Variants in ADAMTS3 observed in about 807,000 individuals in gnomAD.
The protein encoded by ADAMTS3 is ADAM metallopeptidase with thrombospondin type 1 motif 3, also known as A disintegrin and metalloproteinase with thrombospondin motifs 3.
Under a neutral mutation model 129.0 loss-of-function variants are expected in ADAMTS3, and 73 were observed. That is an observed-to-expected ratio of 0.57 (90% CI 0.47 to 0.69). The LOEUF is 0.69. ADAMTS3 is among the 30% of genes least tolerant of loss of function. ADAMTS3 has a pLI of 0.00. For missense variants in ADAMTS3, 1,457 were observed against 1,514.5 expected (o/e 0.96, Z 0.63); for synonymous variants, 477 against 510.8 (o/e 0.93, Z 0.89).
At chr4:72,506,456 C>T (rs1187169267) in intron 3 of ADAMTS3, among the ~76,000 whole-genome samples, 1 of 152,138 alleles carries the variant, frequency 6.6e-6, no homozygotes, top group Non-Finnish European at 1.5e-5. Context: ...TGTGGTGACC[C>T]CTACCCTGCT....
At chr4:72,463,367 C>A (rs1368056059) in intron 3 of ADAMTS3, among the ~76,000 whole-genome samples, 1 of 152,080 alleles carries the variant, frequency 6.6e-6, no homozygotes, top group East Asian at 2.0e-4. Context: ...AATGACCAAC[C>A]TCTCAAAAAG....
intron 2 of ADAMTS3, among the ~76,000 whole-genome samples, chr4:72,552,487 T>A (rs143537916): frequency 6.6e-6 from 1 of 152,330 alleles, no homozygotes; most frequent in Admixed American, 6.5e-5. Context: ...AAGGCTTTTG[T>A]GGGCCGTAAG....
intron 4 of ADAMTS3, among the ~76,000 whole-genome samples, chr4:72,379,289 G>T (rs568890125): frequency 2.0e-5 from 3 of 152,154 alleles, no homozygotes; most frequent in Non-Finnish European, 4.4e-5. Flanking sequence ...GAACTCCAGT[G>T]ATTGGGTTAA....
At chr4:72,304,264 CAAG>C (rs1482492109) in intron 16 of ADAMTS3, among the ~76,000 whole-genome samples, 184 bp from the exon 17 acceptor site, 1 of 152,132 alleles carries the variant, frequency 6.6e-6, no homozygotes, top group Non-Finnish European at 1.5e-5. Context: ...TCAAAACTCT[CAAG>C]AAGCATTCCT....
Position 72,287,495 on chromosome 4 carries a change from A to G in ADAMTS3, c.3049+1256T>C, listed in dbSNP as rs573117330. Among the ~76,000 whole-genome samples the G allele has an allele frequency of 2.6e-5, 4 of 151,302 alleles. No homozygotes were observed. In the South Asian group the frequency reaches 8.6e-4, roughly 32 times the overall value. ...AGAGAAAGGGAGACAGACACATGGAACAAGGAAAGAGGGGAAAGAGAGAGC... is the reference window on the plus strand; with the variant it reads ...AGAGAAAGGGAGACAGACACATGGAGCAAGGAAAGAGGGGAAAGAGAGAGC... On this transcript the variant is annotated intron_variant, in intron 21 of 21. Coordinates refer to ENST00000286657, the MANE Select transcript of ADAMTS3 (RefSeq NM_014243.3).
intron 4 of ADAMTS3, among the ~76,000 whole-genome samples, chr4:72,414,330 C>T (rs561840984): frequency 1.0e-3 from 159 of 151,884 alleles, no homozygotes; most frequent in Non-Finnish European, 1.8e-3. Flanking sequence ...GAATTTCATT[C>T]ATTGTCTCCT....
At chr4:72,467,107 C>T (rs1434127615) in intron 3 of ADAMTS3, among the ~76,000 whole-genome samples, 1 of 152,040 alleles carries the variant, frequency 6.6e-6, no homozygotes, top group African/African-American at 2.4e-5. Context: ...AAGCTTTCCC[C>T]TCTCCTCCAT....
intron 3 of ADAMTS3, among the ~76,000 whole-genome samples, chr4:72,483,986 C>G (rs1014928749): frequency 3.9e-5 from 6 of 152,020 alleles, no homozygotes; most frequent in African/African-American, 1.4e-4. Flanking sequence ...CCATTGCACT[C>G]CAGCCCGGGT....
At chr4:72,523,967 C>A (rs1578760507) in intron 3 of ADAMTS3, among the ~76,000 whole-genome samples, 1 of 151,746 alleles carries the variant, frequency 6.6e-6, no homozygotes, top group African/African-American at 2.4e-5. Context: ...TTATTCTTTT[C>A]TATTGTTAGG....
intron 3 of ADAMTS3, among the ~76,000 whole-genome samples, chr4:72,515,391 G>C (rs1720439917): frequency 1.3e-5 from 2 of 151,992 alleles, no homozygotes; most frequent in South Asian, 4.2e-4. Context: ...TCTAGTTCTA[G>C]ATCCTTGAGG....
chr4:72,373,297 T>C (rs1299891027), intron 4 of ADAMTS3, among the ~76,000 whole-genome samples: 2 of 152,062 alleles, frequency 1.3e-5, no homozygotes, highest in Non-Finnish European at 2.9e-5. Flanking sequence ...CCCACACACA[T>C]ATGGTCGCCT....
intron 3 of ADAMTS3, among the ~76,000 whole-genome samples, chr4:72,437,352 C>T (rs142876487): frequency 5.5e-4 from 84 of 151,768 alleles, no homozygotes; most frequent in Non-Finnish European, 1.2e-3. Flanking sequence ...CCACGTACAT[C>T]GAAAATTTAT....
chr4:72,455,856 A>G (rs796222081), intron 3 of ADAMTS3, among the ~76,000 whole-genome samples: 2 of 108,362 alleles, frequency 1.8e-5, no homozygotes, highest in South Asian at 2.5e-4. Flanking sequence ...TATATTTTAT[A>G]TATAGTATAT....
Position 72,336,581 on chromosome 4 carries a change from TGGA to T in ADAMTS3, c.861+2910_861+2912del, listed in dbSNP as rs547247421. Among the ~76,000 whole-genome samples, 444 of 152,244 alleles carry T rather than the reference TGGA, an allele frequency of 2.9e-3. 1 individual carries two copies. The highest frequency in any genetic ancestry group is 0.01 in the African/African-American group (426 of 41,526). On this transcript the variant is annotated intron_variant, in intron 5 of 21. Coordinates refer to ENST00000286657, the MANE Select transcript of ADAMTS3 (RefSeq NM_014243.3). ...ACAGGCTACAACAGGGCAGAGGGTA[TGGA>T]GGAGAAGGAAGACTTAAGTCTTCTG...
chr4:72,313,757 C>A lies in ADAMTS3; in HGVS notation c.1665G>T (p.Gly555=), dbSNP rs768450732. 4.3e-6 allele frequency: 7 copies of A among 1,613,844 alleles called. No individual in the cohort carries two copies. Among genetic ancestry groups the A allele is most frequent in the East Asian group, 2.2e-5 (1 of 44,804 alleles). Residue 555 remains glycine, a synonymous_variant, in exon 12 of 22, where the codon GGG becomes GGT. Coordinates refer to ENST00000286657, the MANE Select transcript of ADAMTS3 (RefSeq NM_014243.3). ...ANQQKQDGNW[G]SWTKFGSCSR... ...AACAGGAGCCAAATTTAGTCCATGA[C>A]CCCCAATTGCCATCTTGTTTTTGCT... is the stretch of plus-strand genomic sequence containing the variant.
intron 3 of ADAMTS3, among the ~76,000 whole-genome samples, chr4:72,491,440 T>C (rs1719741894): frequency 6.6e-6 from 1 of 151,852 alleles, no homozygotes; most frequent in Non-Finnish European, 1.5e-5. Flanking sequence ...GGGTTTTTCA[T>C]ATATAGACTT....
chr4:72,484,419 C>T (rs60724712), intron 3 of ADAMTS3, among the ~76,000 whole-genome samples: 11,399 of 152,106 alleles, frequency 0.075, 557 homozygotes, highest in Non-Finnish European at 0.1. Context: ...TCAAATATTC[C>T]CTTAGTACAG....
intron 4 of ADAMTS3, among the ~76,000 whole-genome samples, chr4:72,340,336 T>TGC (rs1305943744): frequency 6.9e-6 from 1 of 145,966 alleles, no homozygotes; most frequent in East Asian, 2.0e-4. Flanking sequence ...TGTGTGTGTG[T>TGC]GTATGTGTAT....
Position 72,568,726 on chromosome 4 carries a change from G to C in ADAMTS3, c.37C>G (p.Leu13Val). Residue 13 changes from leucine (L) to valine (V), a missense_variant, in exon 1 of 22, where the codon CTG (leucine) becomes GTG (valine). By Grantham distance (32) the Leu-to-Val change is conservative. Transcript: ENST00000286657. ...TCAGCTGAAGTCCTAACCTCTACCA[G>C]AGCGGCTGCTATCAACCAAAGTGAC... ...LLSLWLIAAALVEVRTSADGQ... is the reference protein window; with the variant it reads ...LLSLWLIAAAVVEVRTSADGQ... 1 of 1,613,866 alleles carries C rather than the reference G, an allele frequency of 6.2e-7. No individual in the cohort carries two copies. The highest frequency in any genetic ancestry group is 8.5e-7 in the Non-Finnish European group (1 of 1,179,994).
Sources: allele counts gnomAD v4.1 joint callset (sites outside exome capture counted in the v4.1 genomes callset), GRCh38; gene constraint gnomAD v4.1.1; transcripts MANE v1.5; gene names NCBI Gene and HGNC (gene_info 2026-07-23, HGNC 2026-07-21).